DDX10: variants seen among roughly 807,000 people sequenced by gnomAD.
DDX10 encodes DEAD-box helicase 10, also known as probable ATP-dependent RNA helicase DDX10.
A neutral mutation model predicts 104.3 loss-of-function variants in DDX10; 74 were observed. That is an observed-to-expected ratio of 0.71 (90% CI 0.59 to 0.86). DDX10 has a LOEUF of 0.86. DDX10 is among the 40% of genes least tolerant of loss of function. The pLI is 0.00. For synonymous variants in DDX10, 351 were observed against 353.4 expected (o/e 0.99, Z 0.08); for missense variants, 952 against 1,040.0 (o/e 0.92, Z 1.16).
At chr11:108,710,645 A>G (rs2094283129) in intron 10 of DDX10, among the ~76,000 whole-genome samples, 1 of 152,138 alleles carries the variant, frequency 6.6e-6, no homozygotes, top group Non-Finnish European at 1.5e-5. Context: ...TTATAAGTAG[A>G]AGGAAAATAC....
At position 108,703,526 on chromosome 11, in the gene DDX10, C is replaced by T. The variant is rs2094271519; in HGVS notation, c.1224-3213C>T. Among the ~76,000 whole-genome samples, 2 of 152,136 alleles carry T rather than the reference C, an allele frequency of 1.3e-5. 1 individual carries two copies. Among genetic ancestry groups the T allele is most frequent in the South Asian group, 4.1e-4 (2 of 4,834 alleles). On this transcript the variant is annotated intron_variant, in intron 9 of 17. Coordinates refer to ENST00000322536, the MANE Select transcript of DDX10 (RefSeq NM_004398.4). ...TGTATTTTTAGTAGAGACAGGGTTT[C>T]ACCATGTTGGCCAGGATGGTCTCGA...
chr11:108,856,468 A>C (rs141279670), intron 16 of DDX10, among the ~76,000 whole-genome samples: 3,187 of 151,682 alleles, frequency 0.021, 126 homozygotes, highest in African/African-American at 0.073. Flanking sequence ...ACCAAAAAAA[A>C]CAAAAAACAA....
At chr11:108,738,117 C>T (rs1428311457) in intron 13 of DDX10, among the ~76,000 whole-genome samples, 1 of 151,712 alleles carries the variant, frequency 6.6e-6, no homozygotes, top group African/African-American at 2.4e-5. Flanking sequence ...GTTTTCTTTG[C>T]ATCTTTTGAT....
At chr11:108,767,642 A>G (rs746135401) in intron 13 of DDX10, among the ~76,000 whole-genome samples, 7 of 152,150 alleles carry the variant, frequency 4.6e-5, no homozygotes, top group Non-Finnish European at 2.9e-5. Context: ...TCCTTTACTT[A>G]TGCTGTTATG....
chr11:108,750,870 A>C (rs1435757116), intron 13 of DDX10, among the ~76,000 whole-genome samples: 3 of 33,346 alleles, frequency 9.0e-5, no homozygotes, highest in Non-Finnish European at 3.1e-4. Context: ...TGGTCCTTCC[A>C]CTTCAGCCTC....
At position 108,785,100 on chromosome 11, in the gene DDX10, G is replaced by A. The variant is rs567369885; in HGVS notation, c.1966-53346G>A. 2.9e-4 allele frequency among the ~76,000 whole-genome samples: 44 copies of A among 152,248 alleles called. No homozygotes were observed. The South Asian group carries it at 8.7e-3, about 30-fold the overall frequency. ...CTGTTTTGATCACTGTAGCCTTACA[G>A]TATTGTTTGAAGTTGGGTAATGTCA... On this transcript the variant is annotated intron_variant, in intron 13 of 17. Transcript: ENST00000322536.
chr11:108,777,802 C>G (rs1440777982), intron 13 of DDX10, among the ~76,000 whole-genome samples: 2 of 152,166 alleles, frequency 1.3e-5, no homozygotes, highest in Non-Finnish European at 2.9e-5. Context: ...ACCTCATCGT[C>G]TCAGCCCAAA....
intron 13 of DDX10, among the ~76,000 whole-genome samples, chr11:108,749,052 C>CTCTCTCTCTCTCTCTCTT (rs2094335190): frequency 1.3e-5 from 2 of 148,956 alleles, no homozygotes; most frequent in South Asian, 4.2e-4. Flanking sequence ...ACAACCATGT[C>CTCTCTCTCTCTCTCTCTT]TCTCTCTCTC....
chr11:108,732,085 C>T (rs1251464292), intron 13 of DDX10, among the ~76,000 whole-genome samples: 2 of 152,098 alleles, frequency 1.3e-5, no homozygotes, highest in Non-Finnish European at 2.9e-5. Context: ...TGTACAAGAA[C>T]CAAATTGAAA....
chr11:108,830,306 GT>G (rs566115609), intron 13 of DDX10, among the ~76,000 whole-genome samples: 5 of 151,972 alleles, frequency 3.3e-5, no homozygotes, highest in African/African-American at 1.2e-4. Flanking sequence ...AGTATTTTAC[GT>G]TTTTTTGCAG....
chr11:108,797,371 T>C (rs1456710833), intron 13 of DDX10, among the ~76,000 whole-genome samples: 1 of 152,204 alleles, frequency 6.6e-6, no homozygotes, highest in Non-Finnish European at 1.5e-5. Context: ...TGGTATTCAA[T>C]TACGGCAGCG....
chr11:108,812,069 T>C (rs1172295574), intron 13 of DDX10, among the ~76,000 whole-genome samples: 1 of 152,202 alleles, frequency 6.6e-6, no homozygotes, highest in African/African-American at 2.4e-5. Flanking sequence ...GTGTTCCTGA[T>C]TTTCTTCTAG....
chr11:108,802,719 A>AT (rs994898506), intron 13 of DDX10, among the ~76,000 whole-genome samples: 2 of 151,988 alleles, frequency 1.3e-5, no homozygotes, highest in Non-Finnish European at 2.9e-5. Flanking sequence ...GTGTACTCTT[A>AT]TTTTTTTCTG....
intron 16 of DDX10, among the ~76,000 whole-genome samples, chr11:108,877,200 G>C (rs979953142): frequency 6.6e-6 from 1 of 152,150 alleles, no homozygotes; most frequent in East Asian, 1.9e-4. Flanking sequence ...CTTTTCAAAA[G>C]AATGTTTTCA....
At chr11:108,706,020 G>A (rs1300577568) in intron 9 of DDX10, among the ~76,000 whole-genome samples, 2 of 151,932 alleles carry the variant, frequency 1.3e-5, no homozygotes, top group Non-Finnish European at 2.9e-5. Context: ...TGCCCAGGCT[G>A]GAGTGCAGTG....
intron 13 of DDX10, among the ~76,000 whole-genome samples, chr11:108,774,614 A>G (rs2094367481): frequency 1.3e-5 from 2 of 151,984 alleles, no homozygotes; most frequent in Admixed American, 1.3e-4. Flanking sequence ...ATTGTTTGGC[A>G]TTTCTTTTAT....
chr11:108,940,128 A>G lies in DDX10; in HGVS notation c.2451-118A>G, dbSNP rs143307911. The stretch of plus-strand genomic sequence containing the variant: ...ATTATACAGATATCTTGATGTTGCC[A>G]TGGTTTCCTTCATTCTTGAATAATA... On this transcript the variant is annotated intron_variant, in intron 17 of 17. Transcript: ENST00000322536. 195 of 1,112,394 alleles carry G rather than the reference A, an allele frequency of 1.8e-4. 1 individual carries two copies. The African/African-American group carries it at 2.6e-3, about 15-fold the overall frequency. 68.9% of individuals were successfully genotyped at this position (1,112,394 alleles called of 1,614,324 possible).
chr11:108,924,067 C>T (rs1286686563), intron 17 of DDX10, among the ~76,000 whole-genome samples: 3 of 151,656 alleles, frequency 2.0e-5, no homozygotes, highest in African/African-American at 7.3e-5. Flanking sequence ...TGGCCATCTT[C>T]GTGTGAATTG....
At chr11:108,877,895 G>A (rs1176898240) in intron 16 of DDX10, among the ~76,000 whole-genome samples, 2 of 152,146 alleles carry the variant, frequency 1.3e-5, no homozygotes, top group African/African-American at 4.8e-5. Context: ...AGGAAAATAA[G>A]TTTACATCAA....
Sources: gnomAD v4.1 joint callset for allele counts (sites outside exome capture counted in the v4.1 genomes callset) on GRCh38, gnomAD v4.1.1 for gene constraint, MANE v1.5 for transcripts, NCBI Gene and HGNC (gene_info 2026-07-23, HGNC 2026-07-21) for gene names.